Variants in FBXO28 observed in about 807,000 individuals in gnomAD.
FBXO28 encodes the protein F-box protein 28.
A neutral mutation model predicts 38.1 loss-of-function variants in FBXO28; 8 were observed. That is an observed-to-expected ratio of 0.21 (90% CI 0.12 to 0.38). The LOEUF is 0.38. Ranked by LOEUF, FBXO28 falls within the 10% of genes least tolerant of loss-of-function variation. FBXO28 has a pLI of 1.00. For synonymous variants in FBXO28, 168 were observed against 173.8 expected (o/e 0.97, Z 0.26); for missense variants, 345 against 460.6 (o/e 0.75, Z 2.30).
chr1:224,146,095 G>A (rs1394757497), intron 3 of FBXO28, among the ~76,000 whole-genome samples: 4 of 151,404 alleles, frequency 2.6e-5, no homozygotes, highest in Non-Finnish European at 2.9e-5. Flanking sequence ...TTATCCGGGC[G>A]TGGTGGCACA....
intron 3 of FBXO28, among the ~76,000 whole-genome samples, chr1:224,148,930 G>A (rs1475571755): frequency 6.6e-6 from 1 of 152,084 alleles, no homozygotes; most frequent in Non-Finnish European, 1.5e-5. Flanking sequence ...TTTTCACACA[G>A]CACTTTGCTT....
chr1:224,142,998 GAAAT>G (rs943260546), intron 3 of FBXO28, among the ~76,000 whole-genome samples: 1 of 151,932 alleles, frequency 6.6e-6, no homozygotes, highest in Admixed American at 6.6e-5. Flanking sequence ...AAGAGACTCT[GAAAT>G]AAATAAATAA....
intron 2 of FBXO28, among the ~76,000 whole-genome samples, chr1:224,133,660 G>C (rs985684399): frequency 7.9e-5 from 12 of 151,978 alleles, no homozygotes; most frequent in African/African-American, 2.2e-4. Context: ...TGGGACTATA[G>C]GCATGCACCA....
intron 2 of FBXO28, among the ~76,000 whole-genome samples, chr1:224,132,609 C>G (rs1343609477): frequency 6.6e-6 from 1 of 152,044 alleles, no homozygotes; most frequent in Non-Finnish European, 1.5e-5. Flanking sequence ...AGTTCAAGAC[C>G]AGCCTAGGCA....
intron 3 of FBXO28, among the ~76,000 whole-genome samples, chr1:224,138,731 A>C (rs1657260236): frequency 6.6e-6 from 1 of 151,180 alleles, no homozygotes; most frequent in African/African-American, 2.4e-5. Context: ...CTTCTTTTTT[A>C]TTTTTTTGTT....
At chr1:224,145,151 C>A (rs895068118) in intron 3 of FBXO28, among the ~76,000 whole-genome samples, 2 of 151,370 alleles carry the variant, frequency 1.3e-5, no homozygotes, top group African/African-American at 4.9e-5. Context: ...TAAAATTAGC[C>A]GGGCGTGATG....
chr1:224,156,992 ACT>A (rs1223335347), intron 4 of FBXO28, among the ~76,000 whole-genome samples: 1 of 81,362 alleles, frequency 1.2e-5, no homozygotes, highest in African/African-American at 3.8e-5. Context: ...ATAGAGTGAG[ACT>A]CTGTCTCAAA....
intron 3 of FBXO28, among the ~76,000 whole-genome samples, chr1:224,149,371 T>C (rs1296276101): frequency 2.0e-5 from 3 of 152,036 alleles, no homozygotes; most frequent in Non-Finnish European, 4.4e-5. Flanking sequence ...TTTTAATTTT[T>C]TGTAGAGACA....
intron 3 of FBXO28, among the ~76,000 whole-genome samples, chr1:224,152,704 G>T (rs1193914322): frequency 6.6e-6 from 1 of 152,050 alleles, no homozygotes; most frequent in Non-Finnish European, 1.5e-5. Context: ...GCCGAGGTGG[G>T]TGGATCCTGA....
At chr1:224,149,778 G>A (rs901737764) in intron 3 of FBXO28, among the ~76,000 whole-genome samples, 56 of 152,210 alleles carry the variant, frequency 3.7e-4, no homozygotes, top group African/African-American at 1.2e-3. Context: ...AGGGTTGGAT[G>A]AAGATGTTAA....
rs369067851 is a variant in FBXO28 at position 224,155,125 on chromosome 1, A to G, written c.712+1788A>G. Among the ~76,000 whole-genome samples, 5 of 152,114 alleles carry G rather than the reference A, an allele frequency of 3.3e-5. No individual in the cohort carries two copies. In the East Asian group the frequency reaches 7.7e-4, roughly 23 times the overall value. On this transcript the variant is annotated intron_variant, in intron 4 of 4. Coordinates refer to ENST00000366862, the MANE Select transcript of FBXO28 (RefSeq NM_015176.4). ...AACTCTTCAGGGACATATTTGGTGA[A>G]TTATTTCAGCCCCCAAAGTGTCTGC...
intron 1 of FBXO28, among the ~76,000 whole-genome samples, chr1:224,123,695 C>T (rs1018845194): frequency 2.6e-5 from 4 of 152,030 alleles, no homozygotes; most frequent in Non-Finnish European, 4.4e-5. Context: ...AAAAAAATGC[C>T]GCCAATTATA....
chr1:224,121,212 A>G (rs1193581024), intron 1 of FBXO28, among the ~76,000 whole-genome samples: 8 of 152,218 alleles, frequency 5.3e-5, no homozygotes, highest in Non-Finnish European at 2.9e-5. Context: ...AATGAGAAAA[A>G]TAATGGTACA....
At chr1:224,128,735 A>G (rs145149135) in intron 1 of FBXO28, among the ~76,000 whole-genome samples, 12 of 152,218 alleles carry the variant, frequency 7.9e-5, no homozygotes, top group African/African-American at 2.6e-4. Flanking sequence ...GCCTATAACC[A>G]TAGCACTTTG....
chr1:224,153,379 C>A, intron 4 of FBXO28, 42 bp downstream of exon 4: 1 of 1,454,608 alleles, frequency 6.9e-7, no homozygotes, highest in Non-Finnish European at 9.2e-7. Flanking sequence ...AATTTTGTAA[C>A]TTGCTTCCGG....
At chr1:224,116,150 T>C (rs1163967861) in intron 1 of FBXO28, among the ~76,000 whole-genome samples, 1 of 152,216 alleles carries the variant, frequency 6.6e-6, no homozygotes, top group Non-Finnish European at 1.5e-5. Context: ...CCGTTTTACA[T>C]GTGCAAATAT....
intron 1 of FBXO28, among the ~76,000 whole-genome samples, chr1:224,123,680 C>G (rs1418374856): frequency 6.6e-6 from 1 of 151,988 alleles, no homozygotes; most frequent in East Asian, 1.9e-4. Context: ...TTCAAGGCAT[C>G]TAAGAAAAAA....
intron 3 of FBXO28, among the ~76,000 whole-genome samples, chr1:224,136,869 A>C (rs1430049181): frequency 1.3e-5 from 2 of 150,894 alleles, no homozygotes; most frequent in African/African-American, 4.9e-5. Context: ...CTCATGCCTC[A>C]GCCTCCCAAG....
chr1:224,147,950 G>A (rs530910456), intron 3 of FBXO28, among the ~76,000 whole-genome samples: 2 of 152,086 alleles, frequency 1.3e-5, no homozygotes, highest in African/African-American at 4.8e-5. Flanking sequence ...ACTCTGAATG[G>A]TAGAAGCAGT....
Sources: gnomAD v4.1 joint callset for allele counts (sites outside exome capture counted in the v4.1 genomes callset) on GRCh38, gnomAD v4.1.1 for gene constraint, MANE v1.5 for transcripts, NCBI Gene and HGNC (gene_info 2026-07-23, HGNC 2026-07-21) for gene names.